Variants in SHANK2 observed in about 807,000 individuals in gnomAD.
SHANK2 encodes the protein SH3 and multiple ankyrin repeat domains protein 2.
A neutral mutation model predicts 133.7 loss-of-function variants in SHANK2; 43 were observed. The ratio of observed to expected loss-of-function variants is 0.32; its 90% CI spans 0.25 to 0.41. The LOEUF (loss-of-function observed/expected upper bound fraction) is 0.41. Among genes scored for constraint, SHANK2 ranks in the 10% least tolerant of loss-of-function variants. The probability of loss-of-function intolerance (pLI) is 1.00; values close to 1 mark genes in which losing one functional copy is unlikely to be tolerated. For missense variants in SHANK2, 1,994 were observed against 2,235.8 expected, an observed-to-expected ratio of 0.89 and a Z score of 2.18; for synonymous variants, 1,017 against 952.8, an observed-to-expected ratio of 1.07 and a Z score of -1.24.
chr11:71,125,231 T>C lies in SHANK2; in HGVS notation c.208-6199A>G, dbSNP rs533268937. Reference sequence around the variant, plus strand: ...AGGAAGAGTCACACATCTCTCATTTTAAATCAAAAGCTAGGAGTGATTAAG... The same window carrying C: ...AGGAAGAGTCACACATCTCTCATTTCAAATCAAAAGCTAGGAGTGATTAAG... On this transcript the variant is annotated intron_variant, in intron 3 of 25. Coordinates refer to ENST00000601538, the MANE Select transcript of SHANK2 (RefSeq NM_012309.5). Among the ~76,000 whole-genome samples the C allele has an allele frequency of 2.6e-5, 4 of 152,326 alleles. No individual in the cohort carries two copies. The South Asian group carries it at 6.2e-4, about 24-fold the overall frequency.
intron 13 of SHANK2, among the ~76,000 whole-genome samples, chr11:70,800,591 C>T (rs1341885444): frequency 1.3e-5 from 2 of 152,134 alleles, no homozygotes; most frequent in Admixed American, 6.5e-5. Context: ...AACTGAAAAC[C>T]CCACTTTATA....
chr11:70,868,151 T>C (rs1555069452), intron 11 of SHANK2, among the ~76,000 whole-genome samples: 2 of 152,242 alleles, frequency 1.3e-5, no homozygotes, highest in African/African-American at 4.8e-5. Flanking sequence ...AAGAGTTTCT[T>C]TTCTCGAGGA....
chr11:70,674,855 G>A (rs1944879368), intron 15 of SHANK2, among the ~76,000 whole-genome samples: 1 of 152,240 alleles, frequency 6.6e-6, no homozygotes, highest in South Asian at 2.1e-4. Context: ...ACAGGCAATG[G>A]GCCAGATTTG....
intron 17 of SHANK2, among the ~76,000 whole-genome samples, chr11:70,554,940 C>A (rs1297283796): frequency 1.3e-5 from 2 of 150,822 alleles, no homozygotes; most frequent in Admixed American, 1.3e-4. Flanking sequence ...CTGCAGCCAC[C>A]CCACAGAGAG....
intron 9 of SHANK2, among the ~76,000 whole-genome samples, chr11:71,058,218 A>G (rs1950945166): frequency 2.6e-5 from 4 of 152,212 alleles, no homozygotes; most frequent in Non-Finnish European, 5.9e-5. Flanking sequence ...CATAACAAAA[A>G]TGAATCTGCA....
intron 3 of SHANK2, among the ~76,000 whole-genome samples, chr11:71,142,660 A>G (rs1329492507): frequency 1.3e-5 from 2 of 152,354 alleles, no homozygotes; most frequent in African/African-American, 4.8e-5. Context: ...ATAACACAGA[A>G]AAAGTAACAA....
chr11:71,245,052 C>T (rs1301642935), intron 1 of SHANK2, among the ~76,000 whole-genome samples: 2 of 151,970 alleles, frequency 1.3e-5, no homozygotes, highest in African/African-American at 4.8e-5. Flanking sequence ...GTGATCACGG[C>T]TCACTGCAAC....
At chr11:70,588,657 A>G (rs2060283437) in intron 17 of SHANK2, among the ~76,000 whole-genome samples, 1 of 152,226 alleles carries the variant, frequency 6.6e-6, no homozygotes, top group African/African-American at 2.4e-5. Flanking sequence ...GAAGCTAGCA[A>G]CTTCCATCAA....
chr11:70,899,400 C>A (rs373547665), intron 10 of SHANK2, among the ~76,000 whole-genome samples: 1 of 152,072 alleles, frequency 6.6e-6, no homozygotes, highest in Non-Finnish European at 1.5e-5. Context: ...CCCAGCCATG[C>A]GGAACTGTGT....
intron 8 of SHANK2, among the ~76,000 whole-genome samples, chr11:71,084,261 G>A (rs998290158): frequency 6.6e-5 from 10 of 152,102 alleles, no homozygotes; most frequent in South Asian, 4.1e-4. Flanking sequence ...ATAAGCCACC[G>A]CACCCGGCCC....
At chr11:70,761,032 A>T (rs1471818240) in intron 14 of SHANK2, among the ~76,000 whole-genome samples, 5 of 152,054 alleles carry the variant, frequency 3.3e-5, no homozygotes, top group Non-Finnish European at 7.4e-5. Flanking sequence ...GTCGGGTGGG[A>T]GAGGCCCCAC....
intron 10 of SHANK2, among the ~76,000 whole-genome samples, chr11:70,911,545 A>G (rs1555079027): frequency 1.3e-5 from 2 of 152,062 alleles, no homozygotes; most frequent in African/African-American, 4.8e-5. Flanking sequence ...TTGCCCCCCA[A>G]CTTCTCCTTT....
chr11:70,827,640 T>TG (rs1565345809), intron 11 of SHANK2, among the ~76,000 whole-genome samples: 10 of 87,516 alleles, frequency 1.1e-4, no homozygotes, highest in African/African-American at 4.5e-4. Context: ...GTGTGTGTGT[T>TG]TTTTTTTTTT....
intron 18 of SHANK2, 152 bp from the exon 19 acceptor site, chr11:70,502,438 G>T (rs1251834042): frequency 2.7e-6 from 2 of 748,782 alleles, no homozygotes; most frequent in Non-Finnish European, 4.4e-6. Context: ...TGATGGGAAA[G>T]GACAGGTGCT....
At chr11:70,667,129 G>A (rs1944693217) in intron 15 of SHANK2, among the ~76,000 whole-genome samples, 2 of 152,120 alleles carry the variant, frequency 1.3e-5, no homozygotes, top group Admixed American at 1.3e-4. Context: ...GAAGAAAAAC[G>A]TCTTAAGGAA....
chr11:71,073,167 T>TG (rs1367186700), intron 9 of SHANK2, among the ~76,000 whole-genome samples: 2 of 94,408 alleles, frequency 2.1e-5, no homozygotes, highest in African/African-American at 6.5e-5. Flanking sequence ...TTTTTTTTCT[T>TG]TTTTTTTTTG....
intron 14 of SHANK2, among the ~76,000 whole-genome samples, chr11:70,761,917 C>CA (rs1947005627): frequency 6.7e-6 from 1 of 149,238 alleles, no homozygotes; most frequent in African/African-American, 2.5e-5. Context: ...AGCAAGTTCC[C>CA]GGCTGCTGCT....
intron 25 of SHANK2, among the ~76,000 whole-genome samples, chr11:70,476,230 A>AAAC (rs1223879693): frequency 7.2e-5 from 11 of 152,216 alleles, no homozygotes; most frequent in Admixed American, 2.0e-4. Flanking sequence ...TTCTTCTCAA[A>AAAC]AACAACAACA....
chr11:70,830,995 G>C lies in SHANK2; in HGVS notation c.1175-10313C>G, dbSNP rs1184649055. The stretch of plus-strand genomic sequence containing the variant: ...GGGCCTACAACGACCCTGGAGGCTT[G>C]TGCCGGCCACATTCCTACTGAATGC... On this transcript the variant is annotated intron_variant, in intron 11 of 25. Coordinates refer to ENST00000601538, the MANE Select transcript of SHANK2 (RefSeq NM_012309.5). The surrounding 1 kb of genome is among the most constrained non-coding windows in gnomAD (Gnocchi z 4.4). 6.6e-6 allele frequency among the ~76,000 whole-genome samples: 1 copy of C among 152,212 alleles called. No individual in the cohort carries two copies. Among genetic ancestry groups the C allele is most frequent in the Non-Finnish European group, 1.5e-5 (1 of 68,038 alleles).
Sources: gnomAD v4.1 joint callset for allele counts (sites outside exome capture counted in the v4.1 genomes callset) on GRCh38, gnomAD v4.1.1 for gene constraint, Gnocchi (gnomAD v3.1) non-coding constraint, MANE v1.5 for transcripts, NCBI Gene and HGNC (gene_info 2026-07-23, HGNC 2026-07-21) for gene names.